Variants in SUFU observed in about 807,000 individuals in gnomAD.
SUFU encodes SUFU negative regulator of hedgehog signaling, also known as suppressor of fused homolog.
SUFU carries 7 observed loss-of-function variants against 58.9 expected under a neutral mutation model. That is an observed-to-expected ratio of 0.12 (90% CI 0.07 to 0.22). The LOEUF (loss-of-function observed/expected upper bound fraction) is 0.22. Ranked by LOEUF, SUFU falls within the 10% of genes least tolerant of loss-of-function variation. The pLI, the probability that SUFU is intolerant of heterozygous loss-of-function variation, is 1.00. For missense variants in SUFU, 451 were observed against 641.3 expected, an observed-to-expected ratio of 0.70 and a Z score of 3.20; for synonymous variants, 232 against 254.8, an observed-to-expected ratio of 0.91 and a Z score of 0.85.
rs1334969950 is a variant in SUFU at position 102,617,484 on chromosome 10, C to T, written c.1296+56C>T. ...CCTTTCATAGACTTCCTTGCCCACC[C>T]CTCCTCTTCTCCCTTGGCAGCTCTT... On this transcript the variant is annotated intron_variant, in intron 10 of 11. Coordinates refer to ENST00000369902, the MANE Select transcript of SUFU (RefSeq NM_016169.4). The surrounding 1 kb of genome is among the most constrained non-coding windows in gnomAD (Gnocchi z 4.4). 1 of 1,612,226 alleles carries T rather than the reference C, an allele frequency of 6.2e-7. No individual in the cohort carries two copies.
In SUFU at chr10:102,504,090, C is replaced by T. The variant is rs2062286526; in HGVS notation, c.-63C>T. The T allele has an allele frequency of 1.3e-6, 2 of 1,495,658 alleles. No individual in the cohort carries two copies. Among genetic ancestry groups the T allele is most frequent in the Non-Finnish European group, 1.8e-6 (2 of 1,128,224 alleles). The allele number at this position is 1,495,658 out of a possible 1,614,324, so 92.6% of individuals were successfully genotyped here. On this transcript the variant is annotated 5_prime_UTR_variant, in exon 1 of 12. Transcript: ENST00000369902. The stretch of plus-strand genomic sequence containing the variant: ...CACCCACCGAGTCCGCCCGCTGGCC[C>T]GTCAGTGCTCTCCCCGTCGTTTGCC...
intron 2 of SUFU, among the ~76,000 whole-genome samples, chr10:102,517,045 T>C (rs61869601): frequency 0.35 from 52,684 of 149,456 alleles, 9,361 homozygotes; most frequent in African/African-American, 0.39. Context: ...ATCGCTTGAA[T>C]CCAGGAGGTG....
At chr10:102,613,065 A>G (rs987929696) in intron 8 of SUFU, among the ~76,000 whole-genome samples, 1 of 152,182 alleles carries the variant, frequency 6.6e-6, no homozygotes, top group African/African-American at 2.4e-5. Flanking sequence ...AGGGAGGTGC[A>G]GTGGCCCTGG....
chr10:102,530,482 A>C, intron 2 of SUFU, among the ~76,000 whole-genome samples: 2 of 134,820 alleles, frequency 1.5e-5, no homozygotes, highest in Non-Finnish European at 1.5e-5. Context: ...GGAGACAGGG[A>C]CTCACTCTGT....
intron 10 of SUFU, among the ~76,000 whole-genome samples, chr10:102,626,542 G>C (rs1447723536): frequency 6.6e-6 from 1 of 152,128 alleles, no homozygotes; most frequent in Non-Finnish European, 1.5e-5. Flanking sequence ...GAGCACAGCA[G>C]GTCAGGGGCT....
intron 8 of SUFU, among the ~76,000 whole-genome samples, chr10:102,613,407 T>G (rs1441699474): frequency 6.6e-6 from 1 of 152,168 alleles, no homozygotes; most frequent in African/African-American, 2.4e-5. Context: ...GCCCATGACC[T>G]CAGGGGCACG....
At chr10:102,542,076 G>T (rs1160807692) in intron 2 of SUFU, among the ~76,000 whole-genome samples, 1 of 150,490 alleles carries the variant, frequency 6.6e-6, no homozygotes, top group Non-Finnish European at 1.5e-5. Flanking sequence ...TAGAGATGGG[G>T]TTTCTCCATG....
intron 3 of SUFU, among the ~76,000 whole-genome samples, chr10:102,551,864 A>C (rs1323728065): frequency 6.7e-6 from 1 of 148,868 alleles, no homozygotes; most frequent in Non-Finnish European, 1.5e-5. Flanking sequence ...AGCTGCGACT[A>C]CAGGTGCCCG....
At chr10:102,612,175 G>GTC (rs2063632245) in intron 8 of SUFU, among the ~76,000 whole-genome samples, 1 of 42,678 alleles carries the variant, frequency 2.3e-5, no homozygotes, top group Non-Finnish European at 4.5e-5. Flanking sequence ...GTTCTTGTGT[G>GTC]TGTGTGTGTG....
rs975781760 is a variant in SUFU at position 102,625,819 on chromosome 10, G to A, written c.1297-1356G>A. Among the ~76,000 whole-genome samples, 9 of 152,150 alleles carry A rather than the reference G, an allele frequency of 5.9e-5. 1 individual carries two copies. Among genetic ancestry groups the A allele is most frequent in the Middle Eastern group, 6.8e-3 (2 of 294 alleles). ...TCCACTTCTTGCTTTAGAGACCTCC[G>A]TCCTGTGAGCTCCCGAGCCGTCCTG... On this transcript the variant is annotated intron_variant, in intron 10 of 11. Coordinates refer to ENST00000369902, the MANE Select transcript of SUFU (RefSeq NM_016169.4). The surrounding 1 kb of genome is among the most constrained non-coding windows in gnomAD (Gnocchi z 4.7).
chr10:102,630,392 G>T lies in SUFU; in HGVS notation c.*237G>T. 1 of 572,302 alleles carries T rather than the reference G, an allele frequency of 1.7e-6. No homozygotes were observed. Among genetic ancestry groups the T allele is most frequent in the Non-Finnish European group, 3.1e-6 (1 of 318,990 alleles). 35.5% of individuals were successfully genotyped at this position (572,302 alleles called of 1,614,324 possible). ...AAGCCTTGTGACCCATCAGGCCAGT[G>T]AGTGGGCAAATGCGGACCCTCCCTG... On this transcript the variant is annotated 3_prime_UTR_variant, in exon 12 of 12. Transcript: ENST00000369902.
chr10:102,553,437 TCA>T (rs2062941133), intron 3 of SUFU, among the ~76,000 whole-genome samples: 1 of 151,990 alleles, frequency 6.6e-6, no homozygotes, highest in African/African-American at 2.4e-5. Flanking sequence ...ATGTTCAAGA[TCA>T]CACATCTAGT....
At chr10:102,563,676 A>G (rs1368688326) in intron 3 of SUFU, among the ~76,000 whole-genome samples, 2 of 152,150 alleles carry the variant, frequency 1.3e-5, no homozygotes. Flanking sequence ...AGCCTAGGCA[A>G]CAGAGCAAGA....
At chr10:102,524,117 C>A (rs7078511) in intron 2 of SUFU, among the ~76,000 whole-genome samples, 70,096 of 151,738 alleles carry the variant, frequency 0.46, 17,165 homozygotes, top group Middle Eastern at 0.61. Context: ...GGAAATCCTG[C>A]ACCCTCCTCC....
intron 2 of SUFU, among the ~76,000 whole-genome samples, chr10:102,540,946 C>T (rs1252063970): frequency 2.0e-5 from 3 of 151,690 alleles, no homozygotes; most frequent in Non-Finnish European, 2.9e-5. Context: ...CACTTGAACC[C>T]GGGAGGCGGA....
intron 8 of SUFU, 45 bp from the exon 9 acceptor site, chr10:102,615,223 A>T: frequency 6.2e-7 from 1 of 1,613,718 alleles, no homozygotes; most frequent in Non-Finnish European, 8.5e-7. Context: ...CTCCTCCCTG[A>T]GCTTTTCACC....
rs2063848448 is a variant in SUFU at position 102,632,776 on chromosome 10, C to T, written c.*2621C>T. On this transcript the variant is annotated 3_prime_UTR_variant, in exon 12 of 12. Transcript: ENST00000369902. ...CTCCAGGTCCCTGGTGCTAGAGCTT[C>T]TGAGAAGGGCCTTTCCCTTTCCTCT... 2 of 233,420 alleles carry T rather than the reference C, an allele frequency of 8.6e-6. No individual in the cohort carries two copies. Among genetic ancestry groups the T allele is most frequent in the East Asian group, 1.2e-4 (2 of 16,590 alleles). 14.5% of individuals were successfully genotyped at this position (233,420 alleles called of 1,614,324 possible).
At chr10:102,558,281 G>A (rs185576218) in intron 3 of SUFU, among the ~76,000 whole-genome samples, 1 of 152,168 alleles carries the variant, frequency 6.6e-6, no homozygotes, top group Non-Finnish European at 1.5e-5. Flanking sequence ...CACCTTTTTA[G>A]TTCACTGCAG....
chr10:102,546,901 C>T lies in SUFU; in HGVS notation c.318-3069C>T, dbSNP rs143075750. On this transcript the variant is annotated intron_variant, in intron 2 of 11. Coordinates refer to ENST00000369902, the MANE Select transcript of SUFU (RefSeq NM_016169.4). ...CAGAACTGGCCCAGAAAGCACCCTG[C>T]GTGGAGGCAGATGGTGGACACATGC... Among the ~76,000 whole-genome samples, 833 of 152,368 alleles carry T rather than the reference C, an allele frequency of 5.5e-3. 2 individuals carry two copies. Among genetic ancestry groups the T allele is most frequent in the Middle Eastern group, 0.017 (5 of 294 alleles).
Sources: gnomAD v4.1 joint callset for allele counts (sites outside exome capture counted in the v4.1 genomes callset) on GRCh38, gnomAD v4.1.1 for gene constraint, Gnocchi (gnomAD v3.1) non-coding constraint, MANE v1.5 for transcripts, NCBI Gene and HGNC (gene_info 2026-07-23, HGNC 2026-07-21) for gene names.